The following PTPN5 variants were observed in gnomAD, a reference collection of about 807,000 sequenced individuals.
The protein encoded by PTPN5 is protein tyrosine phosphatase non-receptor type 5.
Under a neutral mutation model 73.9 loss-of-function variants are expected in PTPN5, and 29 were observed. The observed-to-expected ratio is 0.39, with a 90% CI of 0.29 to 0.54. PTPN5 has a LOEUF of 0.54. PTPN5 is among the 20% of genes least tolerant of loss of function. The probability of loss-of-function intolerance (pLI) is 0.65; values close to 1 mark genes in which losing one functional copy is unlikely to be tolerated. For synonymous variants in PTPN5, 267 were observed against 304.7 expected (o/e 0.88, Z 1.29); for missense variants, 652 against 751.4 (o/e 0.87, Z 1.55).
intron 1 of PTPN5, among the ~76,000 whole-genome samples, chr11:18,780,899 GA>G (rs1851389159): frequency 6.6e-6 from 1 of 152,128 alleles, no homozygotes; most frequent in Non-Finnish European, 1.5e-5. Flanking sequence ...CCAAGTGGGA[GA>G]AAAAGAAGAA....
At position 18,733,590 on chromosome 11, in the gene PTPN5, G is replaced by A; in HGVS notation, c.1046C>T (p.Pro349Leu). 6.2e-7 allele frequency: 1 copy of A among 1,614,250 alleles called. No individual in the cohort carries two copies. The highest frequency in any genetic ancestry group is 8.5e-7 in the Non-Finnish European group (1 of 1,180,036). ...GTTGGCATTGATGTAGGAACTCAGA[G>A]GGTCGTCAGGGTCTGGTGAGGTCAG... is the stretch of plus-strand genomic sequence containing the variant. Reference protein sequence around the residue: ...VCLTSPDPDDPLSSYINANYI... With the variant: ...VCLTSPDPDDLLSSYINANYI... The change falls in exon 10 of 15, where the codon CCT becomes CTT. Residue 349 changes from proline to leucine, a missense_variant. Transcript: ENST00000358540. The surrounding 1 kb of genome is among the most constrained non-coding windows in gnomAD (Gnocchi z 4.3).
chr11:18,776,703 A>T (rs1851175018), intron 1 of PTPN5, among the ~76,000 whole-genome samples: 1 of 152,190 alleles, frequency 6.6e-6, no homozygotes, highest in South Asian at 2.1e-4. Context: ...CCAGGCTTCA[A>T]ACTCAGTTTA....
chr11:18,743,930 T>A (rs2134228729), intron 4 of PTPN5, 76 bp downstream of exon 4: 10 of 1,489,518 alleles, frequency 6.7e-6, no homozygotes, highest in Middle Eastern at 3.9e-4. Flanking sequence ...CAGGTGGCCA[T>A]CCTGGGGAGG....
chr11:18,752,703 C>G (rs1009811391), intron 3 of PTPN5, among the ~76,000 whole-genome samples: 8 of 152,168 alleles, frequency 5.3e-5, no homozygotes, highest in African/African-American at 1.9e-4. Context: ...GCGTGGAGGC[C>G]CAGAAGTACG....
intron 1 of PTPN5, among the ~76,000 whole-genome samples, chr11:18,780,674 T>C (rs915846074): frequency 2.6e-5 from 4 of 152,082 alleles, no homozygotes. Context: ...ACTTGGAAAC[T>C]GGTAATGAGC....
At position 18,749,954 on chromosome 11, in the gene PTPN5, A is replaced by G. The variant is rs192608033; in HGVS notation, c.98-5755T>C. Among the ~76,000 whole-genome samples the G allele has an allele frequency of 2.4e-3, 372 of 152,302 alleles. 1 individual carries two copies. Among genetic ancestry groups the G allele is most frequent in the African/African-American group, 8.4e-3 (348 of 41,574 alleles). On this transcript the variant is annotated intron_variant, in intron 3 of 14. Coordinates refer to ENST00000358540, the MANE Select transcript of PTPN5 (RefSeq NM_006906.2). ...CTTTTCTTCCCTTCCCAATGTGGCC[A>G]GCGGTCACAGGGAGCCCTACCCAAA...
Position 18,791,667 on chromosome 11 carries a change from C to T in PTPN5, c.-256G>A. 6.6e-6 allele frequency: 1 copy of T among 152,260 alleles called. No individual in the cohort carries two copies. 9.4% of individuals were successfully genotyped at this position (152,260 alleles called of 1,614,324 possible). On this transcript the variant is annotated 5_prime_UTR_variant, in exon 1 of 15. Transcript: ENST00000358540. The stretch of plus-strand genomic sequence containing the variant: ...GACGGGGGCCGCGCCGAGCTCTGTG[C>T]GTCTGCGTGTGCGGGGGCGTCCGTC...
chr11:18,732,293 C>T (rs1410266494), intron 12 of PTPN5, among the ~76,000 whole-genome samples: 1 of 152,180 alleles, frequency 6.6e-6, no homozygotes, highest in Non-Finnish European at 1.5e-5. Flanking sequence ...TCCAGACAGT[C>T]CTGGCCTTGG....
intron 1 of PTPN5, among the ~76,000 whole-genome samples, chr11:18,773,799 G>A (rs1851022254): frequency 6.6e-6 from 1 of 152,224 alleles, no homozygotes. Context: ...AAAGGTGGGT[G>A]TGTCAATCAG....
At chr11:18,761,168 G>A (rs1458918162) in intron 3 of PTPN5, among the ~76,000 whole-genome samples, 1 of 152,222 alleles carries the variant, frequency 6.6e-6, no homozygotes, top group East Asian at 1.9e-4. Flanking sequence ...GGTCCCTGCA[G>A]GCCTGCCCAC....
intron 1 of PTPN5, among the ~76,000 whole-genome samples, chr11:18,772,985 T>G (rs1463287418): frequency 8.0e-5 from 11 of 137,014 alleles, no homozygotes; most frequent in African/African-American, 1.7e-4. Flanking sequence ...GGAGTGGGGG[T>G]GAGAGGCCGT....
Position 18,729,898 on chromosome 11 carries a change from T to A in PTPN5, c.1330-80A>T. The A allele has an allele frequency of 2.6e-6, 4 of 1,553,564 alleles. No homozygotes were observed. The highest frequency in any genetic ancestry group is 3.6e-6 in the Non-Finnish European group (4 of 1,125,808). On this transcript the variant is annotated intron_variant, in intron 12 of 14. Coordinates refer to ENST00000358540, the MANE Select transcript of PTPN5 (RefSeq NM_006906.2). This position sits in a 1 kb window ranked among gnomAD's most constrained non-coding sequence, Gnocchi z 5.2. ...AACCAGCCCAGAGATAGAGATGAGA[T>A]GGAAGGAGGAAGAACACAGGAAGAA...
intron 3 of PTPN5, among the ~76,000 whole-genome samples, chr11:18,744,865 C>T (rs78266276): frequency 3.6e-3 from 545 of 152,332 alleles, no homozygotes; most frequent in Non-Finnish European, 5.6e-3. Context: ...GTTTCCCCAC[C>T]TGGAAGATGG....
chr11:18,737,486 A>G (rs1016668067), intron 9 of PTPN5, among the ~76,000 whole-genome samples: 1 of 152,034 alleles, frequency 6.6e-6, no homozygotes, highest in Non-Finnish European at 1.5e-5. Context: ...TCAGCTCTGC[A>G]CTTCCTAGCT....
intron 3 of PTPN5, among the ~76,000 whole-genome samples, chr11:18,756,925 A>G (rs1048889976): frequency 4.1e-5 from 6 of 148,014 alleles, no homozygotes; most frequent in African/African-American, 1.5e-4. Context: ...CTCCATCAAA[A>G]AAAAAAAAAA....
At chr11:18,734,635 CCA>C (rs1418391749) in intron 9 of PTPN5, among the ~76,000 whole-genome samples, 2 of 152,186 alleles carry the variant, frequency 1.3e-5, no homozygotes, top group Non-Finnish European at 1.5e-5. Flanking sequence ...TGCCCAGCCC[CCA>C]CTCTGCTCTT....
At chr11:18,760,513 G>C (rs532439645) in intron 3 of PTPN5, among the ~76,000 whole-genome samples, 1 of 152,352 alleles carries the variant, frequency 6.6e-6, no homozygotes, top group South Asian at 2.1e-4. Flanking sequence ...CAGGTTGCAA[G>C]ACATCAGGAT....
intron 3 of PTPN5, among the ~76,000 whole-genome samples, chr11:18,746,196 T>TATACACA (rs1162694331): frequency 8.7e-5 from 7 of 80,500 alleles, no homozygotes; most frequent in Non-Finnish European, 1.9e-4. Context: ...TATATATACA[T>TATACACA]TTTTTTTTTT....
intron 1 of PTPN5, among the ~76,000 whole-genome samples, chr11:18,780,529 C>G (rs1019794237): frequency 6.6e-6 from 1 of 152,138 alleles, no homozygotes; most frequent in South Asian, 2.1e-4. Context: ...CCTTCCTGCT[C>G]CTCCTCTTTG....
Sources: gnomAD v4.1 joint callset for allele counts (sites outside exome capture counted in the v4.1 genomes callset) on GRCh38, gnomAD v4.1.1 for gene constraint, Gnocchi (gnomAD v3.1) non-coding constraint, MANE v1.5 for transcripts, NCBI Gene and HGNC (gene_info 2026-07-23, HGNC 2026-07-21) for gene names.